The following FSTL4 variants were observed in gnomAD, a reference collection of about 807,000 sequenced individuals.
FSTL4 encodes the protein follistatin like 4, also known as follistatin-related protein 4.
FSTL4 carries 28 observed loss-of-function variants against 78.2 expected under a neutral mutation model. The observed-to-expected ratio is 0.36, with a 90% CI of 0.27 to 0.49. The LOEUF (loss-of-function observed/expected upper bound fraction) is 0.49. FSTL4 is among the 20% of genes least tolerant of loss of function. The probability of loss-of-function intolerance (pLI) is 0.98; values close to 1 mark genes in which losing one functional copy is unlikely to be tolerated. For missense variants in FSTL4, 922 were observed against 1,084.9 expected (o/e 0.85, Z 2.11); for synonymous variants, 422 against 440.5 (o/e 0.96, Z 0.53).
intron 3 of FSTL4, among the ~76,000 whole-genome samples, chr5:133,485,052 T>C (rs1401444344): frequency 6.6e-6 from 1 of 152,236 alleles, no homozygotes; most frequent in African/African-American, 2.4e-5. Context: ...TCAAGGATTT[T>C]AAAACATTAA....
rs553046998 is a variant in FSTL4 at position 133,427,599 on chromosome 5, G to C, written c.161-26613C>G. 6 of 519,932 alleles carry C rather than the reference G, an allele frequency of 1.2e-5. No homozygotes were observed. The African/African-American group carries it at 1.2e-4, about 10-fold the overall frequency. 32.2% of individuals were successfully genotyped at this position (519,932 alleles called of 1,614,324 possible). A position where few individuals can be genotyped will look rare whatever the true frequency, so the allele number is the denominator to read the frequency against. On this transcript the variant is annotated intron_variant, in intron 3 of 15. Coordinates refer to ENST00000265342, the MANE Select transcript of FSTL4 (RefSeq NM_015082.2). ...TGGCGGGGGGAAGGGCGGGAATGGC[G>C]GGGGCGATAGGGGTAAAAATGCAGA...
At chr5:133,545,020 G>C (rs969020271) in intron 3 of FSTL4, among the ~76,000 whole-genome samples, 1 of 152,134 alleles carries the variant, frequency 6.6e-6, no homozygotes, top group Non-Finnish European at 1.5e-5. Context: ...AAAATCCTTG[G>C]AGTAATAGGA....
chr5:133,737,931 G>A, the FSTL4 span, among the ~76,000 whole-genome samples: 7 of 152,038 alleles, frequency 4.6e-5, no homozygotes, highest in Non-Finnish European at 8.8e-5. Flanking sequence ...GTATATGCCC[G>A]GTAATGAACA....
chr5:133,395,394 G>T (rs932631040), intron 4 of FSTL4, among the ~76,000 whole-genome samples: 10 of 152,114 alleles, frequency 6.6e-5, no homozygotes, highest in Admixed American at 1.3e-4. Context: ...TGAAGCCAGC[G>T]AGACCACGAA....
the FSTL4 span, among the ~76,000 whole-genome samples, chr5:133,705,447 T>G: frequency 6.6e-6 from 1 of 152,214 alleles, no homozygotes; most frequent in Admixed American, 6.5e-5. Context: ...CCTTCTGGAA[T>G]GGTGGGACCC....
the FSTL4 span, among the ~76,000 whole-genome samples, chr5:133,654,211 T>C: frequency 6.6e-6 from 1 of 152,084 alleles, no homozygotes; most frequent in Non-Finnish European, 1.5e-5. Context: ...GAAACCAGAG[T>C]GCTTCATAAT....
chr5:133,534,651 A>T (rs1759317473), intron 3 of FSTL4, among the ~76,000 whole-genome samples: 1 of 152,108 alleles, frequency 6.6e-6, no homozygotes, highest in Admixed American at 6.5e-5. Flanking sequence ...AACAACACAA[A>T]TTCTTTCCTT....
At chr5:133,555,034 T>C (rs1484721259) in intron 3 of FSTL4, among the ~76,000 whole-genome samples, 1 of 152,218 alleles carries the variant, frequency 6.6e-6, no homozygotes, top group Non-Finnish European at 1.5e-5. Flanking sequence ...TGACACATGA[T>C]AATGAATGGA....
At chr5:133,483,172 A>C (rs755517084) in intron 3 of FSTL4, among the ~76,000 whole-genome samples, 43 of 152,172 alleles carry the variant, frequency 2.8e-4, no homozygotes, top group Non-Finnish European at 4.9e-4. Context: ...GCCACCATGT[A>C]AGATGTGCCT....
rs926813485 is a variant in FSTL4 at position 133,611,153 on chromosome 5, C to G, written c.-11+1172G>C. On this transcript the variant is annotated intron_variant, in intron 1 of 15. Transcript: ENST00000265342. The surrounding 1 kb of genome is among the most constrained non-coding windows in gnomAD (Gnocchi z 4.9). ...ATTCATCAGTGTCGGCGGCCCGCGGCCGCGAGCGAGGGCTGCTGGACAGCG... is the reference window on the plus strand; with the variant it reads ...ATTCATCAGTGTCGGCGGCCCGCGGGCGCGAGCGAGGGCTGCTGGACAGCG... 5.0e-4 allele frequency among the ~76,000 whole-genome samples: 76 copies of G among 152,158 alleles called. No individual in the cohort carries two copies. Among genetic ancestry groups the G allele is most frequent in the African/African-American group, 1.8e-3 (75 of 41,554 alleles).
At chr5:133,304,347 G>C (rs867340542) in intron 6 of FSTL4, among the ~76,000 whole-genome samples, 1 of 152,056 alleles carries the variant, frequency 6.6e-6, no homozygotes, top group African/African-American at 2.4e-5. Flanking sequence ...ATGATGTCAG[G>C]CTGGGCTGTG....
chr5:133,282,893 C>A (rs1253462271), intron 6 of FSTL4, among the ~76,000 whole-genome samples: 2 of 152,236 alleles, frequency 1.3e-5, no homozygotes, highest in African/African-American at 4.8e-5. Context: ...ACAACTTTCT[C>A]TAAACAAATA....
At chr5:133,517,904 T>G (rs1294914157) in intron 3 of FSTL4, among the ~76,000 whole-genome samples, 1 of 152,208 alleles carries the variant, frequency 6.6e-6, no homozygotes, top group African/African-American at 2.4e-5. Context: ...TACTAAGACC[T>G]TCCACTGACT....
intron 4 of FSTL4, among the ~76,000 whole-genome samples, chr5:133,319,023 G>A (rs981101195): frequency 3.9e-5 from 6 of 152,240 alleles, no homozygotes; most frequent in African/African-American, 1.4e-4. Context: ...GCAGGGGTCT[G>A]CAGCTGGACA....
the FSTL4 span, among the ~76,000 whole-genome samples, chr5:133,657,907 T>A: frequency 3.3e-5 from 5 of 152,008 alleles, no homozygotes; most frequent in African/African-American, 7.2e-5. Context: ...AATAACATTT[T>A]AAAAAATTAG....
At chr5:133,613,732 C>T (rs2112989985), upstream of FSTL4, among the ~76,000 whole-genome samples, 1 of 152,260 alleles carries the variant, frequency 6.6e-6, no homozygotes, top group South Asian at 2.1e-4. Context: ...TAATGCAGAG[C>T]CAATCGTATC....
chr5:133,314,162 G>A (rs570737939), intron 5 of FSTL4, among the ~76,000 whole-genome samples: 54 of 152,280 alleles, frequency 3.5e-4, no homozygotes, highest in African/African-American at 1.2e-3. Flanking sequence ...CTCCCTGCTC[G>A]GTAGTTTGAG....
At chr5:133,398,072 G>A (rs1324356511) in intron 4 of FSTL4, among the ~76,000 whole-genome samples, 1 of 151,992 alleles carries the variant, frequency 6.6e-6, no homozygotes, top group Non-Finnish European at 1.5e-5. Flanking sequence ...AGAGGTTCCC[G>A]ACAGAGCCTC....
intron 3 of FSTL4, among the ~76,000 whole-genome samples, chr5:133,409,140 C>T (rs183085197): frequency 6.6e-6 from 1 of 152,288 alleles, no homozygotes; most frequent in Non-Finnish European, 1.5e-5. Context: ...CTCCGCCTGG[C>T]TTCCAAGGTA....
Sources: gnomAD v4.1 joint callset for allele counts (sites outside exome capture counted in the v4.1 genomes callset) on GRCh38, gnomAD v4.1.1 for gene constraint, Gnocchi (gnomAD v3.1) non-coding constraint, MANE v1.5 for transcripts, NCBI Gene and HGNC (gene_info 2026-07-23, HGNC 2026-07-21) for gene names.